Variants in ZNF536 observed in about 807,000 individuals in gnomAD.
The protein encoded by ZNF536 is zinc finger protein 536.
In ZNF536, 13 loss-of-function variants were observed where a neutral mutation model predicts 84.5. That is an observed-to-expected ratio of 0.15 (90% CI 0.10 to 0.24). ZNF536 has a LOEUF of 0.24. Among genes scored for constraint, ZNF536 ranks in the 10% least tolerant of loss-of-function variants. The pLI is 1.00. For synonymous variants in ZNF536, 811 were observed against 742.5 expected, an observed-to-expected ratio of 1.09 and a Z score of -1.50; for missense variants, 1,536 against 1,747.5, an observed-to-expected ratio of 0.88 and a Z score of 2.16.
At chr19:30,712,052 A>G (rs2052469625) in exon 2 of ZNF536, 2 of 34,966 alleles carry the variant, frequency 5.7e-5, no homozygotes, top group Admixed American at 6.5e-4. Flanking sequence ...AATAGCTTGT[A>G]TTAAAATATG....
chr19:30,586,478 G>C (rs1044931386), intron 1 of ZNF536, among the ~76,000 whole-genome samples: 1 of 152,194 alleles, frequency 6.6e-6, no homozygotes, highest in Non-Finnish European at 1.5e-5. Flanking sequence ...ACTGACATAA[G>C]AGCACCTTTT....
At chr19:30,509,781 G>A (rs1242772812) in intron 2 of ZNF536, among the ~76,000 whole-genome samples, 2 of 152,130 alleles carry the variant, frequency 1.3e-5, no homozygotes, top group Non-Finnish European at 2.9e-5. Flanking sequence ...TTCTAGACTT[G>A]TTCACCCTAC....
intron 1 of ZNF536, among the ~76,000 whole-genome samples, chr19:30,441,835 C>T (rs1395804691): frequency 6.6e-6 from 1 of 152,208 alleles, no homozygotes; most frequent in Non-Finnish European, 1.5e-5. Context: ...ATGGCTCTTT[C>T]TTCCCTTCCC....
intron 1 of ZNF536, among the ~76,000 whole-genome samples, chr19:30,699,385 C>A (rs2051798050): frequency 6.6e-6 from 1 of 152,122 alleles, no homozygotes; most frequent in African/African-American, 2.4e-5. Context: ...CAATCCATTA[C>A]CACACAGATC....
chr19:30,409,516 A>G (rs1215931103), intron 1 of ZNF536, among the ~76,000 whole-genome samples: 1 of 152,200 alleles, frequency 6.6e-6, no homozygotes. Flanking sequence ...TTTATAAATG[A>G]CACTTTGATG....
chr19:30,250,325 G>T (rs1284139381), intron 1 of ZNF536, among the ~76,000 whole-genome samples: 4 of 152,220 alleles, frequency 2.6e-5, no homozygotes, highest in Non-Finnish European at 5.9e-5. Context: ...GCCGAGGTCT[G>T]TGTTTCATCT....
intron 2 of ZNF536, among the ~76,000 whole-genome samples, chr19:30,295,091 A>G (rs1309498372): frequency 6.6e-6 from 1 of 152,198 alleles, no homozygotes; most frequent in Non-Finnish European, 1.5e-5. Context: ...TCTTGGTAGC[A>G]TGCAGATTCT....
intron 1 of ZNF536, among the ~76,000 whole-genome samples, chr19:30,581,051 T>C (rs1435068443): frequency 6.6e-6 from 1 of 152,232 alleles, no homozygotes; most frequent in Admixed American, 6.5e-5. Context: ...AACTCCAAAA[T>C]CTGATATTCC....
intron 1 of ZNF536, among the ~76,000 whole-genome samples, chr19:30,617,800 T>C (rs2048356426): frequency 6.6e-6 from 1 of 152,194 alleles, no homozygotes; most frequent in Non-Finnish European, 1.5e-5. Context: ...TTTTTAAATG[T>C]TTTTTGTTTT....
At chr19:30,321,859 C>A (rs1356879280) in intron 2 of ZNF536, among the ~76,000 whole-genome samples, 1 of 151,384 alleles carries the variant, frequency 6.6e-6, no homozygotes, top group Non-Finnish European at 1.5e-5. Flanking sequence ...CTCACAGCAA[C>A]CTCCGCCTCC....
chr19:30,609,721 T>TCCATCCATCCAC (rs1022263890), intron 1 of ZNF536, among the ~76,000 whole-genome samples: 5 of 152,112 alleles, frequency 3.3e-5, no homozygotes, highest in African/African-American at 7.2e-5. Flanking sequence ...TATTCATCCA[T>TCCATCCATCCAC]CCATCCATCC....
chr19:30,559,477 G>C (rs1407040884), downstream of ZNF536, among the ~76,000 whole-genome samples: 11 of 152,184 alleles, frequency 7.2e-5, no homozygotes, highest in Non-Finnish European at 1.5e-4. Flanking sequence ...AGGGGAATGG[G>C]GTGCACATCG....
At chr19:30,599,829 A>G (rs1239451083) in intron 1 of ZNF536, among the ~76,000 whole-genome samples, 2 of 152,176 alleles carry the variant, frequency 1.3e-5, no homozygotes, top group Non-Finnish European at 2.9e-5. Context: ...CTATTCATGG[A>G]CCGTCTTGTG....
At chr19:30,572,407 C>A (rs1163038529) in intron 1 of ZNF536, among the ~76,000 whole-genome samples, 1 of 152,110 alleles carries the variant, frequency 6.6e-6, no homozygotes, top group Admixed American at 6.5e-5. Flanking sequence ...GAGGTGGGGG[C>A]AGATCTTGTG....
intron 1 of ZNF536, among the ~76,000 whole-genome samples, chr19:30,375,553 T>C (rs926371719): frequency 6.6e-6 from 1 of 152,114 alleles, no homozygotes; most frequent in African/African-American, 2.4e-5. Context: ...ACTCGCACAG[T>C]GCGCTGCGGC....
At position 30,440,928 on chromosome 19, in the gene ZNF536, TAGA is replaced by T. The variant is rs1344580124; in HGVS notation, c.-2-2632_-2-2630del. On this transcript the variant is annotated intron_variant, in intron 1 of 4. Transcript: ENST00000355537. Reference sequence around the variant, plus strand: ...ATAGATAGATAGATAGATAGATAGATAGATAGATAGATTTGAAAAAAATAAAAG... The same window carrying T: ...ATAGATAGATAGATAGATAGATAGATTAGATAGATTTGAAAAAAATAAAAG... 1.6e-3 allele frequency among the ~76,000 whole-genome samples: 236 copies of T among 150,504 alleles called. 1 individual carries two copies. Among genetic ancestry groups the T allele is most frequent in the African/African-American group, 5.5e-3 (228 of 41,162 alleles).
intron 1 of ZNF536, among the ~76,000 whole-genome samples, chr19:30,265,247 G>A (rs775882023): frequency 3.3e-5 from 5 of 152,082 alleles, no homozygotes; most frequent in Admixed American, 2.6e-4. Flanking sequence ...CCAAATGCTC[G>A]GGTGCAATCC....
chr19:30,393,500 G>A (rs7247350), intron 1 of ZNF536, among the ~76,000 whole-genome samples: 82,435 of 152,082 alleles, frequency 0.54, 22,814 homozygotes, highest in Non-Finnish European at 0.56. Context: ...ATGTTCGTCA[G>A]AGAATCACAT....
chr19:30,572,827 G>A (rs1034563108), intron 1 of ZNF536, among the ~76,000 whole-genome samples: 1 of 152,168 alleles, frequency 6.6e-6, no homozygotes, highest in East Asian at 1.9e-4. Flanking sequence ...TTGTTGAAGG[G>A]GGACATTGGA....
Sources: allele counts gnomAD v4.1 joint callset (sites outside exome capture counted in the v4.1 genomes callset), GRCh38; gene constraint gnomAD v4.1.1; transcripts MANE v1.5; gene names NCBI Gene and HGNC (gene_info 2026-07-23, HGNC 2026-07-21).